Variants in EXD3 observed in about 807,000 individuals in gnomAD.
EXD3 encodes the protein exonuclease mut-7 homolog.
EXD3 carries 92 observed loss-of-function variants against 98.0 expected under a neutral mutation model. The observed-to-expected ratio is 0.94, with a 90% CI of 0.79 to 1.12. The LOEUF (loss-of-function observed/expected upper bound fraction) is 1.12, where lower values mean the gene tolerates loss of function less well. Among genes scored for constraint, EXD3 ranks in the 50% most tolerant of loss-of-function variants. The pLI, the probability that EXD3 is intolerant of heterozygous loss-of-function variation, is 0.00. For synonymous variants in EXD3, 569 were observed against 526.0 expected, an observed-to-expected ratio of 1.08 and a Z score of -1.12; for missense variants, 1,222 against 1,191.6, an observed-to-expected ratio of 1.03 and a Z score of -0.38.
intron 12 of EXD3, 68 bp from the exon 13 acceptor site, chr9:137,351,596 G>T: frequency 1.4e-6 from 2 of 1,455,176 alleles, no homozygotes; most frequent in South Asian, 2.5e-5. Flanking sequence ...ACAGCCTGGA[G>T]GTCCTGAGCA....
At chr9:137,363,797 T>A (rs1416414227) in intron 7 of EXD3, among the ~76,000 whole-genome samples, 2 of 152,150 alleles carry the variant, frequency 1.3e-5, no homozygotes, top group Non-Finnish European at 2.9e-5. Context: ...AGTGTCAGTT[T>A]TGGTAAATTG....
Position 137,307,650 on chromosome 9 carries a change from T to A in EXD3, c.2279-4A>T. ...TGGCTCTGGGTGGCCTCGTCACCTG[T>A]CAGTCAAGGAAGAGAGCTGGTCCGG... On this transcript the variant is annotated splice_polypyrimidine_tract_variant and splice_region_variant and intron_variant, in intron 20 of 21. Coordinates refer to ENST00000340951, the MANE Select transcript of EXD3 (RefSeq NM_017820.5). 6.2e-7 allele frequency: 1 copy of A among 1,609,274 alleles called. No homozygotes were observed. Among genetic ancestry groups the A allele is most frequent in the Non-Finnish European group, 8.5e-7 (1 of 1,179,616 alleles).
chr9:137,318,776 C>A (rs1280591363), intron 19 of EXD3, among the ~76,000 whole-genome samples: 1 of 152,182 alleles, frequency 6.6e-6, no homozygotes, highest in Non-Finnish European at 1.5e-5. Flanking sequence ...AAAGCCGGCA[C>A]CAGCAACCCC....
chr9:137,353,691 C>T, intron 10 of EXD3: 1 of 985,704 alleles, frequency 1.0e-6, no homozygotes, highest in Non-Finnish European at 1.2e-6. Context: ...GGGCCCAGCA[C>T]AAGCGAGGGT....
intron 17 of EXD3, among the ~76,000 whole-genome samples, chr9:137,330,579 C>G (rs1043897388): frequency 8.5e-6 from 1 of 117,956 alleles, no homozygotes; most frequent in South Asian, 2.9e-4. Context: ...AGGAGCTACA[C>G]AGGACTACAC....
chr9:137,411,260 A>T (rs892091198), intron 1 of EXD3, among the ~76,000 whole-genome samples: 14 of 152,216 alleles, frequency 9.2e-5, no homozygotes, highest in Admixed American at 7.2e-4. Context: ...CCCCAAACCC[A>T]GCTGAGCCCA....
chr9:137,352,331 C>T (rs746149722), intron 11 of EXD3, 130 bp from the exon 12 acceptor site: 21 of 1,309,926 alleles, frequency 1.6e-5, no homozygotes, highest in South Asian at 5.4e-5. Flanking sequence ...CCTCCCACAC[C>T]GGCTCAGTCC....
chr9:137,382,077 CGGT>C (rs1836322846), intron 3 of EXD3, among the ~76,000 whole-genome samples: 5 of 75,552 alleles, frequency 6.6e-5, no homozygotes, highest in African/African-American at 3.3e-4. Flanking sequence ...TGAGGGCGCG[CGGT>C]GGAGGTCAGG....
chr9:137,383,491 G>C, intron 2 of EXD3, 114 bp from the exon 3 acceptor site: 6 of 740,148 alleles, frequency 8.1e-6, no homozygotes, highest in Admixed American at 3.0e-5. Context: ...CTCTGGACCC[G>C]GGGGGCCGGG....
rs1361365726 is a variant in EXD3 at position 137,407,977 on chromosome 9, G to T, written c.-47-12573C>A. ...GGGTTTTCCAGCCTCACGCCTCCGG[G>T]GGTCTCCCCAGCCTCATGCCTCTGG... On this transcript the variant is annotated intron_variant, in intron 1 of 21. Transcript: ENST00000340951. This position sits in a 1 kb window ranked among gnomAD's most constrained non-coding sequence, Gnocchi z 4.4. Among the ~76,000 whole-genome samples the T allele has an allele frequency of 1.3e-5, 2 of 152,026 alleles. No homozygotes were observed. The highest frequency in any genetic ancestry group is 3.9e-4 in the East Asian group (2 of 5,156).
In EXD3 at chr9:137,351,146, G is replaced by A. The variant is rs184536035; in HGVS notation, c.1386C>T (p.Gly462=). The A allele has an allele frequency of 1.6e-3, 2,460 of 1,571,462 alleles. 32 individuals carry two copies. Among genetic ancestry groups the A allele is most frequent in the East Asian group, 3.5e-4 (15 of 42,294 alleles). Reference sequence around the variant, plus strand: ...TTTGCAGGTCCCCCACCATCCCGTAGCCTGTGGGCAGGAACCATCGTGGGA... The same window carrying A: ...TTTGCAGGTCCCCCACCATCCCGTAACCTGTGGGCAGGAACCATCGTGGGA... ...LLSDPSITKL[G]YGMVGDLQKL... is the part of the protein sequence containing the mutation. The change falls in exon 14 of 22, where the codon GGC becomes GGT. Residue 462 remains glycine (G), a splice_region_variant and synonymous_variant. Coordinates refer to ENST00000340951, the MANE Select transcript of EXD3 (RefSeq NM_017820.5).
At chr9:137,422,851 G>A (rs1206376166) in intron 1 of EXD3, among the ~76,000 whole-genome samples, 1 of 152,160 alleles carries the variant, frequency 6.6e-6, no homozygotes, top group East Asian at 1.9e-4. Flanking sequence ...GGCCCTGCGG[G>A]ACAGGGCGGC....
At position 137,351,130 on chromosome 9, in the gene EXD3, C is replaced by A. The variant is rs1180226156; in HGVS notation, c.1402G>T (p.Asp468Tyr). The change falls in exon 14 of 22, where the codon GAC becomes TAC. Residue 468 changes from aspartate (D) to tyrosine (Y), a missense_variant. Transcript: ENST00000340951. ...CAGGACGTGCCCAGTTTTTGCAGGTCCCCCACCATCCCGTAGCCTGTGGGC... is the reference window on the plus strand; with the variant it reads ...CAGGACGTGCCCAGTTTTTGCAGGTACCCCACCATCCCGTAGCCTGTGGGC... Reference protein sequence around the residue: ...ITKLGYGMVGDLQKLGTSCPA... With the variant: ...ITKLGYGMVGYLQKLGTSCPA... 1.3e-6 allele frequency: 2 copies of A among 1,578,256 alleles called. No individual in the cohort carries two copies. The highest frequency in any genetic ancestry group is 1.7e-6 in the Non-Finnish European group (2 of 1,162,862).
chr9:137,379,208 G>A (rs55902255), intron 3 of EXD3, among the ~76,000 whole-genome samples: 19 of 44,580 alleles, frequency 4.3e-4, no homozygotes, highest in South Asian at 1.3e-3. Flanking sequence ...TGAGGGGTAC[G>A]GGGTTTGTGG....
At position 137,371,032 on chromosome 9, in the gene EXD3, C is replaced by T. The variant is rs1835567029; in HGVS notation, c.462+1873G>A. On this transcript the variant is annotated intron_variant, in intron 5 of 21. Transcript: ENST00000340951. The surrounding 1 kb of genome is among the most constrained non-coding windows in gnomAD (Gnocchi z 8.0). ...GCGGTGAGCAGTGGAGCATGCATCGCCTGCCGGGCGGCCCCGCTCGGGGAC... is the reference window on the plus strand; with the variant it reads ...GCGGTGAGCAGTGGAGCATGCATCGTCTGCCGGGCGGCCCCGCTCGGGGAC... 1.3e-5 allele frequency among the ~76,000 whole-genome samples: 2 copies of T among 152,186 alleles called. No individual in the cohort carries two copies. The highest frequency in any genetic ancestry group is 4.1e-4 in the South Asian group (2 of 4,836).
intron 17 of EXD3, among the ~76,000 whole-genome samples, chr9:137,331,044 G>T (rs1467688135): frequency 1.3e-5 from 2 of 152,170 alleles, no homozygotes; most frequent in Non-Finnish European, 2.9e-5. Context: ...GCACATTAAA[G>T]CAATAATTCA....
At chr9:137,384,986 G>A (rs1453822467) in intron 2 of EXD3, among the ~76,000 whole-genome samples, 1 of 152,130 alleles carries the variant, frequency 6.6e-6, no homozygotes, top group Admixed American at 6.5e-5. Context: ...CAGCTACTCG[G>A]GAGGCTGAGG....
chr9:137,306,930 T>A lies in EXD3; in HGVS notation c.*20A>T. On this transcript the variant is annotated 3_prime_UTR_variant, in exon 22 of 22. Transcript: ENST00000340951. ...GGGCCCAGCAGTCGGGCACTTTCCA[T>A]GTTTATTGTCTGGCTGTCCTCAGAA... 6.5e-7 allele frequency: 1 copy of A among 1,540,678 alleles called. No homozygotes were observed. The highest frequency in any genetic ancestry group is 1.2e-5 in the South Asian group (1 of 80,170).
intron 3 of EXD3, chr9:137,374,484 T>A (rs535380261): frequency 1.9e-4 from 164 of 885,194 alleles, no homozygotes; most frequent in Middle Eastern, 1.7e-3. Context: ...AGGAGCAACA[T>A]CCTGAGGCTG....
Sources: allele counts gnomAD v4.1 joint callset (sites outside exome capture counted in the v4.1 genomes callset), GRCh38; gene constraint gnomAD v4.1.1; non-coding constraint Gnocchi (gnomAD v3.1); transcripts MANE v1.5; gene names NCBI Gene and HGNC (gene_info 2026-07-23, HGNC 2026-07-21).